Variants in CA1 observed in about 807,000 individuals in gnomAD.
CA1 encodes carbonic anhydrase 1, also known as carbonate dehydratase I.
A neutral mutation model predicts 28.8 loss-of-function variants in CA1; 27 were observed. That is an observed-to-expected ratio of 0.94 (90% CI 0.69 to 1.29). The LOEUF is 1.29. Ranked by LOEUF, CA1 falls within the 50% of genes most tolerant of loss-of-function variation. CA1 has a pLI of 0.00. For missense variants in CA1, 335 were observed against 310.5 expected, an observed-to-expected ratio of 1.08 and a Z score of -0.59; for synonymous variants, 121 against 108.8, an observed-to-expected ratio of 1.11 and a Z score of -0.70.
chr8:85,341,596 T>TA lies in CA1; in HGVS notation c.37+2dup, dbSNP rs773147593. On this transcript the variant is annotated splice_region_variant and intron_variant, in intron 2 of 7. Coordinates refer to ENST00000523022, the MANE Select transcript of CA1 (RefSeq NM_001128831.4). Reference sequence around the variant, plus strand: ...TGATCTATATAAACAGGAGAACTCTTACCATTTTTGTCATCATATCCCCAG... The same window carrying TA: ...TGATCTATATAAACAGGAGAACTCTTAACCATTTTTGTCATCATATCCCCAG... 2.1e-5 allele frequency: 33 copies of TA among 1,571,974 alleles called. No individual in the cohort carries two copies. The highest frequency in any genetic ancestry group is 2.5e-5 in the Non-Finnish European group (29 of 1,141,924).
chr8:85,335,186 C>A (rs1808597703), intron 4 of CA1, among the ~76,000 whole-genome samples: 1 of 151,948 alleles, frequency 6.6e-6, no homozygotes, highest in African/African-American at 2.4e-5. Flanking sequence ...ATCTGTATTC[C>A]TATGCTTCTT....
At chr8:85,332,375 T>C in intron 6 of CA1, 115 bp downstream of exon 6, 3 of 783,804 alleles carry the variant, frequency 3.8e-6, no homozygotes, top group South Asian at 3.0e-5. Flanking sequence ...TGATTTTCAG[T>C]TGGTAGCTTT....
Position 85,368,862 on chromosome 8 carries a change from G to T in CA1, c.-25+9184C>A, listed in dbSNP as rs2466766. 9.6e-3 allele frequency among the ~76,000 whole-genome samples: 1,454 copies of T among 152,202 alleles called. 12 individuals are homozygous for T. The highest frequency in any genetic ancestry group is 0.045 in the East Asian group (234 of 5,164). On this transcript the variant is annotated intron_variant, in intron 1 of 7. Coordinates refer to ENST00000523022, the MANE Select transcript of CA1 (RefSeq NM_001128831.4). ...ACGTCAATCTTGTAACTTTCCAACA[G>T]GTCCTCCTTCCCAGAAACCAAATCA...
intron 1 of CA1, among the ~76,000 whole-genome samples, chr8:85,354,295 C>T (rs202160953): frequency 0.016 from 2,319 of 147,574 alleles, 28 homozygotes; most frequent in South Asian, 0.05. Flanking sequence ...TCTTTTTTTT[C>T]TTTTTTTTTT....
At chr8:85,332,126 C>A (rs1808431891) in intron 6 of CA1, among the ~76,000 whole-genome samples, 2 of 151,992 alleles carry the variant, frequency 1.3e-5, no homozygotes, top group Non-Finnish European at 2.9e-5. Flanking sequence ...CAAAAGAATG[C>A]CCTTTACTTC....
chr8:85,365,084 G>T (rs1809952921), intron 1 of CA1, among the ~76,000 whole-genome samples: 1 of 152,238 alleles, frequency 6.6e-6, no homozygotes, highest in Admixed American at 6.5e-5. Flanking sequence ...GGCCCTGGTT[G>T]GAGATACAGC....
In CA1 at chr8:85,377,181, A is replaced by C. The variant is rs373427938; in HGVS notation, c.-25+865T>G. On this transcript the variant is annotated intron_variant, in intron 1 of 7. Coordinates refer to ENST00000523022, the MANE Select transcript of CA1 (RefSeq NM_001128831.4). ...ATATGAACCATATAATTTCAATTTT[A>C]AAGTACAAGAGCATTTTCTTCAGTC... Among the ~76,000 whole-genome samples, 5 of 152,240 alleles carry C rather than the reference A, an allele frequency of 3.3e-5. 1 individual carries two copies. The East Asian group carries it at 7.7e-4, about 23-fold the overall frequency.
In CA1 at chr8:85,341,606, G is replaced by A. The variant is rs1300861025; in HGVS notation, c.30C>T (p.Asp10=). Residue 10 remains aspartate, a synonymous_variant, in exon 2 of 8, where the codon GAC becomes GAT. Coordinates refer to ENST00000523022, the MANE Select transcript of CA1 (RefSeq NM_001128831.4). Reference sequence around the variant, plus strand: ...AAACAGGAGAACTCTTACCATTTTTGTCATCATATCCCCAGTCTGGACTTG... The same window carrying A: ...AAACAGGAGAACTCTTACCATTTTTATCATCATATCCCCAGTCTGGACTTG... MASPDWGYD[D]KNGPEQWSKL... 9 of 1,591,612 alleles carry A rather than the reference G, an allele frequency of 5.7e-6. No homozygotes were observed. The highest frequency in any genetic ancestry group is 5.0e-5 in the Admixed American group (3 of 59,918).
At chr8:85,335,932 C>T (rs1251305575) in intron 4 of CA1, among the ~76,000 whole-genome samples, 5 of 152,216 alleles carry the variant, frequency 3.3e-5, no homozygotes, top group East Asian at 1.9e-4. Context: ...TACTTTGTAA[C>T]GTAGCAGTCT....
chr8:85,348,064 A>T (rs1278362239), intron 1 of CA1, among the ~76,000 whole-genome samples: 8 of 152,178 alleles, frequency 5.3e-5, no homozygotes, highest in Admixed American at 5.2e-4. Context: ...ACTTTTACAA[A>T]CATTTTTAAA....
At chr8:85,376,858 C>A (rs908991078) in intron 1 of CA1, among the ~76,000 whole-genome samples, 1 of 151,930 alleles carries the variant, frequency 6.6e-6, no homozygotes, top group African/African-American at 2.4e-5. Flanking sequence ...AGGTCCCTGA[C>A]CCTCTCTCAA....
intron 1 of CA1, 110 bp from the exon 2 acceptor site, chr8:85,341,769 C>T: frequency 1.5e-6 from 1 of 672,520 alleles, no homozygotes; most frequent in South Asian, 1.7e-5. Context: ...TTTAATAGGC[C>T]ATTATTTCAT....
At chr8:85,355,549 CTTTTTTTTTTTTTTTT>C (rs11353842) in intron 1 of CA1, among the ~76,000 whole-genome samples, 4 of 108,700 alleles carry the variant, frequency 3.7e-5, no homozygotes, top group African/African-American at 1.5e-4. Context: ...TGTCTAGTTC[CTTTTTTTTTTTTTTTT>C]TTTTTTTTTA....
chr8:85,358,063 G>A (rs1462951210), intron 1 of CA1, among the ~76,000 whole-genome samples: 1 of 152,128 alleles, frequency 6.6e-6, no homozygotes, highest in African/African-American at 2.4e-5. Flanking sequence ...GTTTATGAGG[G>A]ACTTAAACAA....
At chr8:85,335,188 A>T (rs904820659) in intron 4 of CA1, among the ~76,000 whole-genome samples, 1 of 152,028 alleles carries the variant, frequency 6.6e-6, no homozygotes, top group Non-Finnish European at 1.5e-5. Context: ...CTGTATTCCT[A>T]TGCTTCTTTG....
intron 1 of CA1, among the ~76,000 whole-genome samples, chr8:85,357,651 A>C (rs1420737529): frequency 6.6e-6 from 1 of 152,252 alleles, no homozygotes; most frequent in Non-Finnish European, 1.5e-5. Flanking sequence ...GACTTCCTAA[A>C]GGGAAAAGGG....
chr8:85,361,433 T>C (rs1809792963), intron 1 of CA1, among the ~76,000 whole-genome samples: 1 of 152,106 alleles, frequency 6.6e-6, no homozygotes, highest in Non-Finnish European at 1.5e-5. Flanking sequence ...TCTCAGCACT[T>C]TGGGAAGCCG....
chr8:85,350,716 T>C (rs1809375771), intron 1 of CA1, among the ~76,000 whole-genome samples: 2 of 152,136 alleles, frequency 1.3e-5, no homozygotes, highest in African/African-American at 4.8e-5. Flanking sequence ...TTCGAGTCAA[T>C]AACGCTTTTA....
chr8:85,330,326 C>G (rs1375166502), intron 6 of CA1, among the ~76,000 whole-genome samples: 1 of 152,028 alleles, frequency 6.6e-6, no homozygotes, highest in African/African-American at 2.4e-5. Flanking sequence ...TATTTGTATG[C>G]TAATCTTTTA....
Sources: gnomAD v4.1 joint callset for allele counts (sites outside exome capture counted in the v4.1 genomes callset) on GRCh38, gnomAD v4.1.1 for gene constraint, MANE v1.5 for transcripts, NCBI Gene and HGNC (gene_info 2026-07-23, HGNC 2026-07-21) for gene names.